Variants in SLC17A5 observed in about 807,000 individuals in gnomAD.
SLC17A5 encodes the protein solute carrier family 17 member 5, also known as sialin.
In SLC17A5, 47 loss-of-function variants were observed where a neutral mutation model predicts 59.4. That is an observed-to-expected ratio of 0.79 (90% CI 0.63 to 1.01). The LOEUF is 1.01. SLC17A5 is among the 50% of genes least tolerant of loss of function. The pLI is 0.00. For synonymous variants in SLC17A5, 202 were observed against 210.7 expected (o/e 0.96, Z 0.36); for missense variants, 522 against 595.5 (o/e 0.88, Z 1.28).
intron 9 of SLC17A5, among the ~76,000 whole-genome samples, chr6:73,603,606 A>C (rs537429642): frequency 6.7e-6 from 1 of 148,548 alleles, no homozygotes; most frequent in South Asian, 2.1e-4. Flanking sequence ...TTTTAGTAGA[A>C]ACGGGGTTTC....
chr6:73,607,204 G>A (rs540197), intron 9 of SLC17A5, among the ~76,000 whole-genome samples: 16,341 of 151,986 alleles, frequency 0.11, 1,057 homozygotes, highest in Middle Eastern at 0.18. Flanking sequence ...TCTTCACAAC[G>A]ATCTTATAAG....
chr6:73,616,380 C>T (rs911791108), intron 7 of SLC17A5, among the ~76,000 whole-genome samples: 3 of 152,148 alleles, frequency 2.0e-5, no homozygotes, highest in African/African-American at 7.2e-5. Flanking sequence ...TCCCTAGACA[C>T]TTCGATTTAG....
intron 1 of SLC17A5, among the ~76,000 whole-genome samples, chr6:73,645,907 T>C (rs1324080087): frequency 6.6e-6 from 1 of 152,062 alleles, no homozygotes; most frequent in Admixed American, 6.6e-5. Context: ...ATGCATAGTT[T>C]CTCTTTTTTC....
intron 7 of SLC17A5, among the ~76,000 whole-genome samples, chr6:73,615,947 G>A (rs1339021204): frequency 2.1e-5 from 3 of 141,226 alleles, no homozygotes; most frequent in South Asian, 4.5e-4. Flanking sequence ...GTACAGGGGT[G>A]TGATCTCGAC....
rs80338795 is a variant in SLC17A5 at position 73,641,810 on chromosome 6, T to A, written c.406A>T (p.Lys136Ter). The A allele has an allele frequency of 6.2e-7, 1 of 1,614,010 alleles. No homozygotes were observed. Among genetic ancestry groups the A allele is most frequent in the Non-Finnish European group, 8.5e-7 (1 of 1,180,000 alleles). The change falls in exon 3 of 11, where the codon AAA becomes TAA. Residue 136 changes from lysine (K) to a stop codon, truncating the protein, a stop_gained. Transcript: ENST00000355773. LOFTEE classifies it high-confidence loss of function. ...GGYVASKIGG[K>*]MLLGFGILGT... is the part of the protein sequence containing the mutation. ...AGGATCCCAAATCCTAGCAGCATTT[T>A]CCCCCCTATTTTGCTGGCAACATAT...
intron 3 of SLC17A5, among the ~76,000 whole-genome samples, chr6:73,639,891 C>T (rs1255828563): frequency 1.3e-5 from 2 of 151,954 alleles, no homozygotes; most frequent in East Asian, 1.9e-4. Context: ...ACTAAATATA[C>T]AAAAATTAGC....
intron 1 of SLC17A5, among the ~76,000 whole-genome samples, chr6:73,651,796 GC>G (rs1769883530): frequency 6.6e-6 from 1 of 151,970 alleles, no homozygotes; most frequent in Non-Finnish European, 1.5e-5. Context: ...CAGGTGATCC[GC>G]CCGCCTCGGC....
chr6:73,630,555 A>G (rs1768653392), intron 6 of SLC17A5, among the ~76,000 whole-genome samples: 1 of 152,144 alleles, frequency 6.6e-6, no homozygotes, highest in East Asian at 1.9e-4. Context: ...ATGGCATCCC[A>G]GTGCCTAAAG....
At chr6:73,637,851 C>T (rs74358365) in intron 4 of SLC17A5, among the ~76,000 whole-genome samples, 520 of 152,156 alleles carry the variant, frequency 3.4e-3, no homozygotes, top group African/African-American at 0.012. Flanking sequence ...GCTAGAATTT[C>T]TTATGCAATC....
At chr6:73,653,549 C>G (rs1317883943) in intron 1 of SLC17A5, 1 of 905,778 alleles carries the variant, frequency 1.1e-6, no homozygotes, top group Non-Finnish European at 1.3e-6. Flanking sequence ...CTGCACCTGC[C>G]GAGGCCCCGG....
intron 9 of SLC17A5, among the ~76,000 whole-genome samples, chr6:73,608,313 G>A (rs1291075570): frequency 6.6e-6 from 1 of 152,144 alleles, no homozygotes; most frequent in East Asian, 1.9e-4. Context: ...CCAAAATGAA[G>A]CCCAGGACTT....
At chr6:73,633,176 ATTTT>A (rs57624307) in intron 6 of SLC17A5, among the ~76,000 whole-genome samples, 73 of 124,930 alleles carry the variant, frequency 5.8e-4, no homozygotes, top group African/African-American at 1.2e-3. Flanking sequence ...ACTTGTATTA[ATTTT>A]TTTTTTTTTT....
chr6:73,641,670 CAA>C lies in SLC17A5; in HGVS notation c.525+19_525+20del, dbSNP rs1304542510. 1.8e-5 allele frequency: 28 copies of C among 1,537,862 alleles called. No homozygotes were observed. The highest frequency in any genetic ancestry group is 1.4e-5 in the Non-Finnish European group (16 of 1,118,878). ...AGGAGACACACGGTAAGAAGTAAAACAAGAGAGAAAAGAAAATTACCTCTCCT... is the reference window on the plus strand; with the variant it reads ...AGGAGACACACGGTAAGAAGTAAAACGAGAGAAAAGAAAATTACCTCTCCT... On this transcript the variant is annotated intron_variant, in intron 3 of 10. Transcript: ENST00000355773.
At chr6:73,632,460 T>TTA (rs1561996481) in intron 6 of SLC17A5, among the ~76,000 whole-genome samples, 1 of 125,686 alleles carries the variant, frequency 8.0e-6, no homozygotes, top group African/African-American at 3.5e-5. Flanking sequence ...TTTTTTTTTT[T>TTA]AAGACAGGGT....
chr6:73,632,973 T>G (rs9446964), intron 6 of SLC17A5, among the ~76,000 whole-genome samples: 24,474 of 151,492 alleles, frequency 0.16, 3,059 homozygotes, highest in African/African-American at 0.34. Context: ...GGTAGGACTC[T>G]AAACTTTCAA....
intron 6 of SLC17A5, among the ~76,000 whole-genome samples, chr6:73,623,667 TTTA>T (rs1343979621): frequency 5.3e-4 from 10 of 18,876 alleles, no homozygotes; most frequent in East Asian, 1.7e-3. Flanking sequence ...TTTATTTTTA[TTTA>T]TTTATTTATT....
chr6:73,602,473 AAACATT>A (rs1767185500), intron 9 of SLC17A5, among the ~76,000 whole-genome samples: 1 of 152,078 alleles, frequency 6.6e-6, no homozygotes, highest in East Asian at 1.9e-4. Context: ...CAACAACAAA[AAACATT>A]AACATTAGAG....
intron 9 of SLC17A5, among the ~76,000 whole-genome samples, chr6:73,603,467 C>G (rs1166859596): frequency 6.9e-6 from 1 of 144,844 alleles, no homozygotes; most frequent in Admixed American, 7.2e-5. Flanking sequence ...GTTGCCCAGA[C>G]TGGAGTGCAA....
intron 1 of SLC17A5, among the ~76,000 whole-genome samples, chr6:73,646,516 A>T (rs886893416): frequency 2.6e-5 from 4 of 152,114 alleles, no homozygotes; most frequent in African/African-American, 9.7e-5. Flanking sequence ...TTAGATCCAG[A>T]TCTGTAAGAA....
Sources: gnomAD v4.1 joint callset for allele counts (sites outside exome capture counted in the v4.1 genomes callset) on GRCh38, gnomAD v4.1.1 for gene constraint, MANE v1.5 for transcripts, NCBI Gene and HGNC (gene_info 2026-07-23, HGNC 2026-07-21) for gene names.